The following OGN variants were observed in gnomAD, a reference collection of about 807,000 sequenced individuals.
OGN encodes the protein osteoglycin.
Under a neutral mutation model 30.8 loss-of-function variants are expected in OGN, and 19 were observed. The observed-to-expected ratio is 0.62, with a 90% CI of 0.43 to 0.90. OGN has a LOEUF of 0.90. Among genes scored for constraint, OGN ranks in the 40% least tolerant of loss-of-function variants. The pLI is 0.00. For synonymous variants in OGN, 126 were observed against 128.3 expected (o/e 0.98, Z 0.12); for missense variants, 283 against 349.7 (o/e 0.81, Z 1.52).
At chr9:92,391,241 CAA>C (rs770262906) in intron 4 of OGN, among the ~76,000 whole-genome samples, 17 of 129,216 alleles carry the variant, frequency 1.3e-4, no homozygotes, top group East Asian at 2.2e-4. Flanking sequence ...CTAAAAATAC[CAA>C]AAAAAAAAAA....
chr9:92,398,603 T>A (rs2130919831), intron 3 of OGN, among the ~76,000 whole-genome samples: 1 of 152,340 alleles, frequency 6.6e-6, no homozygotes, highest in African/African-American at 2.4e-5. Flanking sequence ...TTAGAGATCT[T>A]CCTCATTCAT....
chr9:92,404,597 A>G (rs1296699467), upstream of OGN: 1 of 1,291,050 alleles, frequency 7.7e-7, no homozygotes, highest in Non-Finnish European at 1.0e-6. Flanking sequence ...CTATGTCTTG[A>G]TTTCAAACTG....
chr9:92,397,676 A>G (rs1207001791), intron 3 of OGN, among the ~76,000 whole-genome samples: 1 of 152,204 alleles, frequency 6.6e-6, no homozygotes, highest in Non-Finnish European at 1.5e-5. Context: ...ACCAAGATGC[A>G]GGTGCTGGGT....
chr9:92,389,782 T>C, intron 5 of OGN, 72 bp downstream of exon 5: 1 of 999,362 alleles, frequency 1.0e-6, no homozygotes, highest in Admixed American at 2.4e-5. Context: ...AATACAATTC[T>C]AGACCAAAGT....
At chr9:92,398,400 G>T (rs114869321) in intron 3 of OGN, among the ~76,000 whole-genome samples, 7 of 152,012 alleles carry the variant, frequency 4.6e-5, no homozygotes, top group African/African-American at 1.4e-4. Context: ...AAGTATATAC[G>T]CAGAGAACTG....
rs1450490257 is a variant in OGN at position 92,404,405 on chromosome 9, G to T, written c.-76+91C>A. On this transcript the variant is annotated intron_variant, in intron 1 of 6. Coordinates refer to ENST00000375561, the MANE Select transcript of OGN (RefSeq NM_014057.5). ...ATTGAGGTAACTGAAACTTAAACCA[G>T]AGATGGCCTTTACATTTATTAAGAC... The T allele has an allele frequency of 5.1e-5, 40 of 791,986 alleles. 1 individual carries two copies. Among genetic ancestry groups the T allele is most frequent in the Non-Finnish European group, 6.8e-5 (39 of 574,626 alleles). 49.1% of individuals were successfully genotyped at this position (791,986 alleles called of 1,614,324 possible).
chr9:92,393,714 C>T (rs1842780058), intron 3 of OGN, among the ~76,000 whole-genome samples: 1 of 152,144 alleles, frequency 6.6e-6, no homozygotes, highest in South Asian at 2.1e-4. Flanking sequence ...ATTACATTTA[C>T]TTGTCATACC....
intron 2 of OGN, among the ~76,000 whole-genome samples, chr9:92,402,734 G>T (rs1284570567): frequency 6.6e-6 from 1 of 152,124 alleles, no homozygotes; most frequent in South Asian, 2.1e-4. Flanking sequence ...TCAGTTTTTG[G>T]TACTGTATGT....
At position 92,404,502 on chromosome 9, in the gene OGN, A is replaced by G; in HGVS notation, c.-82T>C. The G allele has an allele frequency of 7.7e-7, 1 of 1,290,498 alleles. No homozygotes were observed. The highest frequency in any genetic ancestry group is 1.0e-6 in the Non-Finnish European group (1 of 985,002). 79.9% of individuals were successfully genotyped at this position (1,290,498 alleles called of 1,614,324 possible). ...ATATGAAAAGTAAGCCTACCGTTGTAGCTGTTTTGAAGTTTTTTGTGGTTT... is the reference window on the plus strand; with the variant it reads ...ATATGAAAAGTAAGCCTACCGTTGTGGCTGTTTTGAAGTTTTTTGTGGTTT... On this transcript the variant is annotated 5_prime_UTR_variant, in exon 1 of 7. Coordinates refer to ENST00000375561, the MANE Select transcript of OGN (RefSeq NM_014057.5).
In OGN at chr9:92,385,332, A is replaced by G. The variant is rs373695984; in HGVS notation, c.*288T>C. 1.2e-4 allele frequency: 30 copies of G among 259,500 alleles called. No homozygotes were observed. In the East Asian group the frequency reaches 1.5e-3, roughly 13 times the overall value. The allele number at this position is 259,500 out of a possible 1,614,324, so 16.1% of individuals were successfully genotyped here. On this transcript the variant is annotated 3_prime_UTR_variant, in exon 7 of 7. Coordinates refer to ENST00000375561, the MANE Select transcript of OGN (RefSeq NM_014057.5). Reference sequence around the variant, plus strand: ...TAGTAATAGGAATAATGCATCTCAAATTTGGGCATTTATATAAAAACATGA... The same window carrying G: ...TAGTAATAGGAATAATGCATCTCAAGTTTGGGCATTTATATAAAAACATGA...
intron 3 of OGN, among the ~76,000 whole-genome samples, chr9:92,394,109 C>G (rs538075440): frequency 6.6e-6 from 1 of 152,086 alleles, no homozygotes; most frequent in Non-Finnish European, 1.5e-5. Flanking sequence ...GATTCTTACC[C>G]GAATCATTTG....
intron 1 of OGN, among the ~76,000 whole-genome samples, chr9:92,404,221 CAA>C (rs1415919772): frequency 2.0e-5 from 3 of 152,114 alleles, no homozygotes; most frequent in Non-Finnish European, 4.4e-5. Context: ...CAGAATCACT[CAA>C]GAGTTGCTGA....
In OGN at chr9:92,389,753, A is replaced by T. The variant is rs149872561; in HGVS notation, c.630+101T>A. On this transcript the variant is annotated intron_variant, in intron 5 of 6. Coordinates refer to ENST00000375561, the MANE Select transcript of OGN (RefSeq NM_014057.5). ...ATGTCTTCATTTATTAAATCAAAATAGTTTTTAAGTGTAATCAAAATACAA... is the reference window on the plus strand; with the variant it reads ...ATGTCTTCATTTATTAAATCAAAATTGTTTTTAAGTGTAATCAAAATACAA... 1.8e-4 allele frequency: 126 copies of T among 714,342 alleles called. 1 individual carries two copies. In the Middle Eastern group the frequency reaches 2.0e-3, roughly 11 times the overall value. 44.3% of individuals were successfully genotyped at this position (714,342 alleles called of 1,614,324 possible). A position where few individuals can be genotyped will look rare whatever the true frequency, so the allele number is the denominator to read the frequency against.
At chr9:92,392,505 C>T (rs575136775) in intron 4 of OGN, among the ~76,000 whole-genome samples, 2 of 151,960 alleles carry the variant, frequency 1.3e-5, no homozygotes, top group South Asian at 2.1e-4. Context: ...ACCTCAGCTA[C>T]GTGAGAGGCT....
At position 92,383,449 on chromosome 9, in the gene OGN, A is replaced by G. The variant is rs1301644860; in HGVS notation, c.*2171T>C. Among the ~76,000 whole-genome samples the G allele has an allele frequency of 2.0e-5, 3 of 152,276 alleles. No individual in the cohort carries two copies. In the East Asian group the frequency reaches 5.8e-4, roughly 29 times the overall value. ...ATAAACACAAGACATCTTTCCATTT[A>G]TGTATGTCTTTAGTTTTTTTCAGCA... is the stretch of plus-strand genomic sequence containing the variant. On this transcript the variant is annotated 3_prime_UTR_variant, in exon 7 of 7. Coordinates refer to ENST00000375561, the MANE Select transcript of OGN (RefSeq NM_014057.5).
In OGN at chr9:92,399,069, AT is replaced by A. The variant is rs1338830585; in HGVS notation, c.268+2022del. 2.2e-4 allele frequency among the ~76,000 whole-genome samples: 34 copies of A among 152,040 alleles called. No individual in the cohort carries two copies. In the East Asian group the frequency reaches 6.2e-3, roughly 28 times the overall value. On this transcript the variant is annotated intron_variant, in intron 3 of 6. Coordinates refer to ENST00000375561, the MANE Select transcript of OGN (RefSeq NM_014057.5). ...GACTCTGTCTCAAAAAAAAAAAAAAATCCTCAAAGTTGGTTCTTATGTCAAA... is the reference window on the plus strand; with the variant it reads ...GACTCTGTCTCAAAAAAAAAAAAAAACCTCAAAGTTGGTTCTTATGTCAAA...
upstream of OGN, chr9:92,404,618 T>C: frequency 7.8e-7 from 1 of 1,286,750 alleles, no homozygotes; most frequent in South Asian, 1.3e-5. Flanking sequence ...CTGAGTAAAA[T>C]TTCAGGGCCC....
chr9:92,386,209 G>T lies in OGN; in HGVS notation c.718C>A (p.His240Asn). Residue 240 changes from histidine to asparagine, a missense_variant, in exon 6 of 7, where the codon CAT becomes AAT. Transcript: ENST00000375561. ...GAAAGGAACTATCATACCTGAAGAT[G>T]AATTACACGTAGACTTTCTGGTAAA... is the stretch of plus-strand genomic sequence containing the variant. ...LNLPESLRVI[H>N]LQFNNIASIT... 1.2e-6 allele frequency: 2 copies of T among 1,602,502 alleles called. No individual in the cohort carries two copies. The highest frequency in any genetic ancestry group is 2.2e-5 in the South Asian group (2 of 90,776).
intron 2 of OGN, among the ~76,000 whole-genome samples, chr9:92,401,427 C>T (rs1309396815): frequency 6.6e-6 from 1 of 152,094 alleles, no homozygotes; most frequent in Non-Finnish European, 1.5e-5. Flanking sequence ...ATTTTTATAT[C>T]GCCAGTAGCT....
Sources: allele counts gnomAD v4.1 joint callset (sites outside exome capture counted in the v4.1 genomes callset), GRCh38; gene constraint gnomAD v4.1.1; transcripts MANE v1.5; gene names NCBI Gene and HGNC (gene_info 2026-07-23, HGNC 2026-07-21).